Variants in TOX observed in about 807,000 individuals in gnomAD.
The protein encoded by TOX is thymocyte selection-associated high mobility group box protein TOX.
TOX carries 11 observed loss-of-function variants against 53.7 expected under a neutral mutation model. That is an observed-to-expected ratio of 0.20 (90% confidence interval 0.13 to 0.34). The LOEUF is 0.34. Ranked by LOEUF, TOX falls within the 10% of genes least tolerant of loss-of-function variation. The probability of loss-of-function intolerance (pLI) is 1.00; values close to 1 mark genes in which losing one functional copy is unlikely to be tolerated. For missense variants in TOX, 570 were observed against 664.6 expected (o/e 0.86, Z 1.56); for synonymous variants, 225 against 245.3 (o/e 0.92, Z 0.77).
rs572109620 is a variant in TOX, at chr8:58,880,404, T to C, written c.412-28599A>G. The stretch of plus-strand genomic sequence containing the variant: ...TACATGCAAAATATCTGGCGTATAT[T>C]AAGATCTTAACAAATGGTGAATACT... On this transcript the variant is annotated intron_variant, in intron 3 of 8. Transcript: ENST00000361421. Among the ~76,000 whole-genome samples, 3 of 152,342 alleles carry C rather than the reference T, an allele frequency of 2.0e-5. No individual in the cohort carries two copies. The East Asian group carries it at 5.8e-4, about 29-fold the overall frequency.
intron 1 of TOX, among the ~76,000 whole-genome samples, chr8:59,008,492 A>G (rs1454430264): frequency 6.6e-6 from 1 of 152,220 alleles, no homozygotes; most frequent in Non-Finnish European, 1.5e-5. Flanking sequence ...GCCTTCTCCA[A>G]GCCTGGAAAG....
rs370736931 is a variant in TOX, at chr8:58,809,071, T to C, written c.1393-802A>G. ...AGAATCTCTGAAGTGTATAGCTATA[T>C]CTGGTAAACAAAAAGCATTCTATAC... is the stretch of plus-strand genomic sequence containing the variant. On this transcript the variant is annotated intron_variant, in intron 7 of 8. Transcript: ENST00000361421. Among the ~76,000 whole-genome samples the C allele has an allele frequency of 3.6e-4, 55 of 152,326 alleles. 2 individuals are homozygous for C. The South Asian group carries it at 0.011, about 31-fold the overall frequency.
chr8:59,049,142 T>C (rs759509835), intron 1 of TOX, among the ~76,000 whole-genome samples: 3 of 151,380 alleles, frequency 2.0e-5, no homozygotes, highest in Admixed American at 6.7e-5. Flanking sequence ...TAAGAAAACA[T>C]GCACGCTTAA....
At chr8:58,969,448 G>A (rs1332861339) in intron 1 of TOX, among the ~76,000 whole-genome samples, 1 of 152,078 alleles carries the variant, frequency 6.6e-6, no homozygotes, top group African/African-American at 2.4e-5. Context: ...GGAGTATAAT[G>A]TTTTATTTTT....
At chr8:58,817,509 G>A (rs1810201276) in intron 6 of TOX, among the ~76,000 whole-genome samples, 2 of 152,238 alleles carry the variant, frequency 1.3e-5, no homozygotes, top group Middle Eastern at 3.4e-3. Context: ...TCGAGCCTGT[G>A]TAAACAGTGA....
chr8:58,948,822 A>T (rs969340806), intron 2 of TOX, among the ~76,000 whole-genome samples: 2 of 151,888 alleles, frequency 1.3e-5, no homozygotes, highest in Non-Finnish European at 2.9e-5. Context: ...TAACTAGCTT[A>T]AAAAAATTAG....
intron 6 of TOX, among the ~76,000 whole-genome samples, chr8:58,825,058 G>A (rs1465746508): frequency 6.6e-6 from 1 of 152,164 alleles, no homozygotes; most frequent in East Asian, 1.9e-4. Flanking sequence ...TATTTGCCTT[G>A]TCCTAATTAA....
At chr8:58,965,468 G>A (rs1211835090) in intron 1 of TOX, among the ~76,000 whole-genome samples, 2 of 151,958 alleles carry the variant, frequency 1.3e-5, no homozygotes, top group Admixed American at 6.6e-5. Flanking sequence ...AGCGAATGAC[G>A]AGCAAAAATG....
At chr8:58,994,734 G>C (rs1334363741) in intron 1 of TOX, among the ~76,000 whole-genome samples, 5 of 152,196 alleles carry the variant, frequency 3.3e-5, no homozygotes, top group Non-Finnish European at 4.4e-5. Context: ...AAAGAAAGCT[G>C]TTGGCCCATC....
chr8:59,006,999 C>G (rs1433004057), intron 1 of TOX, among the ~76,000 whole-genome samples: 1 of 152,196 alleles, frequency 6.6e-6, no homozygotes, highest in Non-Finnish European at 1.5e-5. Flanking sequence ...TTCGTACACA[C>G]TTGTTGATGG....
intron 4 of TOX, among the ~76,000 whole-genome samples, chr8:58,841,620 G>A (rs994189515): frequency 4.6e-5 from 7 of 152,124 alleles, no homozygotes; most frequent in African/African-American, 1.4e-4. Flanking sequence ...GTACTGTGTT[G>A]TACACTTGAA....
At chr8:58,914,516 G>A (rs1811967281) in intron 3 of TOX, among the ~76,000 whole-genome samples, 1 of 152,142 alleles carries the variant, frequency 6.6e-6, no homozygotes, top group Admixed American at 6.5e-5. Flanking sequence ...ATTTGTCAAT[G>A]TCTGGACATT....
intron 1 of TOX, among the ~76,000 whole-genome samples, chr8:59,076,562 T>C (rs1804295437): frequency 1.3e-5 from 2 of 152,212 alleles, no homozygotes; most frequent in Non-Finnish European, 2.9e-5. Flanking sequence ...TCTTCCTCTA[T>C]TCCTCAGAGA....
Position 58,851,829 on chromosome 8 carries a change from AAAT to A in TOX, c.412-27_412-25del. 7.8e-7 allele frequency: 1 copy of A among 1,277,396 alleles called. No homozygotes were observed. The allele number at this position is 1,277,396 out of a possible 1,614,324, so 79.1% of individuals were successfully genotyped here. ...ATCTACAATAAATAAATAAATAAATAAATAAATAAATAAATAAATAGGAAAGGA... is the reference window on the plus strand; with the variant it reads ...ATCTACAATAAATAAATAAATAAATAAAATAAATAAATAAATAGGAAAGGA... On this transcript the variant is annotated intron_variant, in intron 3 of 8. Transcript: ENST00000361421. The surrounding 1 kb of genome is among the most constrained non-coding windows in gnomAD (Gnocchi z 4.4).
At chr8:58,905,799 A>G (rs1403886275) in intron 3 of TOX, among the ~76,000 whole-genome samples, 1 of 152,150 alleles carries the variant, frequency 6.6e-6, no homozygotes, top group Non-Finnish European at 1.5e-5. Context: ...TCATTATCCA[A>G]TCATTCGACT....
intron 1 of TOX, among the ~76,000 whole-genome samples, chr8:59,016,329 T>C: frequency 6.6e-6 from 1 of 152,040 alleles, no homozygotes; most frequent in East Asian, 1.9e-4. Flanking sequence ...TAACTCACTT[T>C]CCCCCCAAAA....
intron 1 of TOX, among the ~76,000 whole-genome samples, chr8:58,984,553 G>A (rs1005282987): frequency 2.0e-5 from 3 of 152,124 alleles, no homozygotes; most frequent in Non-Finnish European, 4.4e-5. Context: ...AGCACTTTGG[G>A]AGGCCGAGGC....
chr8:58,965,119 A>G (rs1337778524), intron 1 of TOX, among the ~76,000 whole-genome samples: 1 of 152,222 alleles, frequency 6.6e-6, no homozygotes, highest in Non-Finnish European at 1.5e-5. Context: ...ATATCTAAGC[A>G]TACTAGGGCT....
intron 1 of TOX, among the ~76,000 whole-genome samples, chr8:59,009,204 T>G (rs1813851302): frequency 6.6e-6 from 1 of 151,830 alleles, no homozygotes; most frequent in African/African-American, 2.4e-5. Context: ...TTTTTTCTTT[T>G]CTTCCCCCTC....
Sources: gnomAD v4.1 joint callset for allele counts (sites outside exome capture counted in the v4.1 genomes callset) on GRCh38, gnomAD v4.1.1 for gene constraint, Gnocchi (gnomAD v3.1) non-coding constraint, MANE v1.5 for transcripts, NCBI Gene and HGNC (gene_info 2026-07-23, HGNC 2026-07-21) for gene names.